Variants in ZNF676 observed in about 807,000 individuals in gnomAD.
ZNF676 encodes zinc finger protein 676.
Under a neutral mutation model 6.0 loss-of-function variants are expected in ZNF676, and 4 were observed. The observed-to-expected ratio is 0.67, with a 90% confidence interval of 0.33 to 1.53. The LOEUF (loss-of-function observed/expected upper bound fraction) is 1.53. ZNF676 is among the 40% of genes most tolerant of loss of function. The pLI is 0.06. For synonymous variants in ZNF676, 198 were observed against 223.1 expected, an observed-to-expected ratio of 0.89 and a Z score of 1.00; for missense variants, 644 against 679.7, an observed-to-expected ratio of 0.95 and a Z score of 0.58.
chr19:22,214,157 T>C (rs963794057), intron 1 of ZNF676, among the ~76,000 whole-genome samples: 4 of 152,116 alleles, frequency 2.6e-5, no homozygotes, highest in Admixed American at 2.6e-4. Flanking sequence ...TTACTGCAAG[T>C]CAGAGTCAGG....
At chr19:22,218,286 T>A (rs1430143613), upstream of ZNF676, among the ~76,000 whole-genome samples, 1 of 152,160 alleles carries the variant, frequency 6.6e-6, no homozygotes, top group Non-Finnish European at 1.5e-5. Context: ...AAGTATTTGA[T>A]CCATCTTGAG....
the ZNF676 span, among the ~76,000 whole-genome samples, chr19:22,222,238 G>C: frequency 6.6e-6 from 1 of 152,044 alleles, no homozygotes; most frequent in Admixed American, 6.6e-5. Flanking sequence ...CCGAGTAGCT[G>C]GGACTGCAGG....
At position 22,180,680 on chromosome 19, in the gene ZNF676, A is replaced by C; in HGVS notation, c.1037T>G (p.Phe346Cys). 6.2e-7 allele frequency: 1 copy of C among 1,610,562 alleles called. No homozygotes were observed. Among genetic ancestry groups the C allele is most frequent in the East Asian group, 2.2e-5 (1 of 44,692 alleles). The change falls in exon 3 of 3, where the codon TTT becomes TGT. Residue 346 changes from phenylalanine to cysteine, a missense_variant. Transcript: ENST00000397121. ...TTTAGTAAGGATTGAGGATCGATTAAAAGCTTTCCCGCATTCTTCACATTT... is the reference window on the plus strand; with the variant it reads ...TTTAGTAAGGATTGAGGATCGATTACAAGCTTTCCCGCATTCTTCACATTT... ...PYKCEECGKA[F>C]NRSSILTKHK...
At chr19:22,195,983 G>A (rs1321968978) in intron 1 of ZNF676, among the ~76,000 whole-genome samples, 1 of 152,170 alleles carries the variant, frequency 6.6e-6, no homozygotes, top group Non-Finnish European at 1.5e-5. Flanking sequence ...CATCTCATAT[G>A]TAGTTTTTGG....
intron 2 of ZNF676, among the ~76,000 whole-genome samples, chr19:22,187,172 C>T (rs888903978): frequency 3.9e-5 from 6 of 152,180 alleles, no homozygotes; most frequent in Admixed American, 1.3e-4. Flanking sequence ...CAAACAGTCT[C>T]TCAGACCACA....
the ZNF676 span, among the ~76,000 whole-genome samples, chr19:22,240,024 A>C: frequency 1.1e-4 from 17 of 152,328 alleles, no homozygotes; most frequent in East Asian, 3.1e-3. Context: ...AACCTAGGGG[A>C]TGCACCCAGA....
At chr19:22,217,243 C>T (rs1209204490), upstream of ZNF676, among the ~76,000 whole-genome samples, 2 of 152,064 alleles carry the variant, frequency 1.3e-5, no homozygotes, top group African/African-American at 4.8e-5. Context: ...GCTCTTATTG[C>T]CCAGGCCGGA....
chr19:22,215,796 GTC>G (rs1491423743), upstream of ZNF676: 2 of 664,602 alleles, frequency 3.0e-6, no homozygotes, highest in Non-Finnish European at 4.5e-6. Flanking sequence ...AAGCCGACCT[GTC>G]CCCCCCCCCA....
intron 1 of ZNF676, among the ~76,000 whole-genome samples, chr19:22,209,468 C>CA (rs928496202): frequency 1.3e-5 from 2 of 151,858 alleles, no homozygotes; most frequent in African/African-American, 4.8e-5. Flanking sequence ...CACATGAACA[C>CA]AGAGGGGAAA....
the ZNF676 span, among the ~76,000 whole-genome samples, chr19:22,253,421 A>AGT: frequency 1.8e-5 from 1 of 55,028 alleles, no homozygotes; most frequent in African/African-American, 6.1e-5. Flanking sequence ...TATATATGAT[A>AGT]ATGTATATAT....
At chr19:22,248,301 T>C in the ZNF676 span, among the ~76,000 whole-genome samples, 1 of 152,198 alleles carries the variant, frequency 6.6e-6, no homozygotes, top group Non-Finnish European at 1.5e-5. Context: ...TTTCTAGTTC[T>C]AGATCCCCGA....
chr19:22,253,404 G>GTGTATA, the ZNF676 span, among the ~76,000 whole-genome samples: 659 of 96,952 alleles, frequency 6.8e-3, 8 homozygotes, highest in African/African-American at 0.026. Flanking sequence ...ATGATAATGT[G>GTGTATA]TATATATATA....
the ZNF676 span, among the ~76,000 whole-genome samples, chr19:22,221,993 C>T: frequency 6.6e-6 from 1 of 151,974 alleles, no homozygotes; most frequent in Non-Finnish European, 1.5e-5. Context: ...GTAAAAAAGT[C>T]CCCCAATATT....
chr19:22,222,738 A>G, the ZNF676 span, among the ~76,000 whole-genome samples: 1 of 152,204 alleles, frequency 6.6e-6, no homozygotes, highest in African/African-American at 2.4e-5. Flanking sequence ...TAAACGCAGC[A>G]AAGCAGCTGC....
chr19:22,229,741 T>C, the ZNF676 span, among the ~76,000 whole-genome samples: 3 of 151,882 alleles, frequency 2.0e-5, no homozygotes, highest in Admixed American at 6.6e-5. Flanking sequence ...AACAAACATA[T>C]GAAAAAAAGC....
the ZNF676 span, among the ~76,000 whole-genome samples, chr19:22,233,364 G>T: frequency 6.6e-6 from 1 of 151,924 alleles, no homozygotes; most frequent in Non-Finnish European, 1.5e-5. Context: ...TATTTTGGAT[G>T]GGAATGTATT....
the ZNF676 span, among the ~76,000 whole-genome samples, chr19:22,235,044 AGGAAGGC>A: frequency 2.6e-4 from 39 of 149,446 alleles, no homozygotes; most frequent in Non-Finnish European, 3.4e-4. Flanking sequence ...AAAGAAAAGA[AGGAAGGC>A]AGAAAGGCAG....
chr19:22,185,044 G>T (rs963584056), intron 2 of ZNF676, among the ~76,000 whole-genome samples: 1 of 152,034 alleles, frequency 6.6e-6, no homozygotes, highest in African/African-American at 2.4e-5. Context: ...ACCTCAAGTT[G>T]GTCCCTGACA....
At chr19:22,184,787 T>C (rs1311762097) in intron 2 of ZNF676, among the ~76,000 whole-genome samples, 7 of 132,380 alleles carry the variant, frequency 5.3e-5, no homozygotes, top group African/African-American at 2.1e-4. Context: ...AAGACCAGAC[T>C]GTATCTCCAG....
Sources: gnomAD v4.1 joint callset for allele counts (sites outside exome capture counted in the v4.1 genomes callset) on GRCh38, gnomAD v4.1.1 for gene constraint, MANE v1.5 for transcripts, NCBI Gene and HGNC (gene_info 2026-07-23, HGNC 2026-07-21) for gene names.